MOCOS: variants seen among roughly 807,000 people sequenced by gnomAD.
MOCOS encodes the protein molybdenum cofactor sulfurase, also known as human molybdenum cofactor sulfurase.
MOCOS carries 86 observed loss-of-function variants against 83.6 expected under a neutral mutation model. The observed-to-expected ratio is 1.03, with a 90% CI of 0.86 to 1.23. The LOEUF (loss-of-function observed/expected upper bound fraction) is 1.23, where lower values mean the gene tolerates loss of function less well. Among genes scored for constraint, MOCOS ranks in the 50% most tolerant of loss-of-function variants. The pLI, the probability that MOCOS is intolerant of heterozygous loss-of-function variation, is 0.00. For missense variants in MOCOS, 1,120 were observed against 1,126.9 expected, an observed-to-expected ratio of 0.99 and a Z score of 0.09; for synonymous variants, 445 against 434.7, an observed-to-expected ratio of 1.02 and a Z score of -0.29.
chr18:36,200,430 A>G (rs564675359), intron 4 of MOCOS, 106 bp downstream of exon 4: 275 of 1,416,158 alleles, frequency 1.9e-4, no homozygotes, highest in Non-Finnish European at 2.5e-4. Flanking sequence ...GAGGGTCAGC[A>G]GAATTCAGGT....
chr18:36,250,481 T>A (rs1429398643), intron 10 of MOCOS, among the ~76,000 whole-genome samples: 5 of 152,210 alleles, frequency 3.3e-5, no homozygotes. Context: ...ACAAAGGTGA[T>A]GATGTGATGA....
In MOCOS at chr18:36,215,369, T is replaced by C. The variant is rs2091471813; in HGVS notation, c.1336-147T>C. ...CCCCTGCAGGTAGAGAGCTGAACTA[T>C]GTCCCAGACGCACAGCACATATTAA... On this transcript the variant is annotated intron_variant, in intron 7 of 14. Coordinates refer to ENST00000261326, the MANE Select transcript of MOCOS (RefSeq NM_017947.4). 4 of 791,110 alleles carry C rather than the reference T, an allele frequency of 5.1e-6. No homozygotes were observed. In the Middle Eastern group the frequency reaches 1.1e-3, roughly 209 times the overall value. 49.0% of individuals were successfully genotyped at this position (791,110 alleles called of 1,614,324 possible). A position where few individuals can be genotyped will look rare whatever the true frequency, so the allele number is the denominator to read the frequency against.
chr18:36,215,870 C>T lies in MOCOS; in HGVS notation c.1690C>T (p.Gln564Ter), dbSNP rs536590783. 1.2e-6 allele frequency: 2 copies of T among 1,614,212 alleles called. No homozygotes were observed. Among genetic ancestry groups the T allele is most frequent in the South Asian group, 1.1e-5 (1 of 91,078 alleles). The change falls in exon 8 of 15, where the codon CAG becomes TAG. Residue 564 changes from glutamine to a stop codon, truncating the protein, a stop_gained. Coordinates refer to ENST00000261326, the MANE Select transcript of MOCOS (RefSeq NM_017947.4). LOFTEE classifies it high-confidence loss of function. Reference protein sequence around the residue: ...APPVCDVARTQPTPSEKAAGV... With the variant: ...APPVCDVART Reference sequence around the variant, plus strand: ...ACCTGTGTGTGATGTCGCCAGAACCCAGCCGACTCCTTCAGAGAAAGCTGC... The same window carrying T: ...ACCTGTGTGTGATGTCGCCAGAACCTAGCCGACTCCTTCAGAGAAAGCTGC...
chr18:36,203,250 G>T, intron 5 of MOCOS, 61 bp downstream of exon 5: 2 of 1,457,676 alleles, frequency 1.4e-6, no homozygotes, highest in Non-Finnish European at 9.6e-7. Context: ...GGGAGCTCTG[G>T]CACAGGTGTG....
chr18:36,236,467 C>T (rs1234120006), intron 9 of MOCOS, among the ~76,000 whole-genome samples: 1 of 104,808 alleles, frequency 9.5e-6, no homozygotes, highest in East Asian at 2.4e-4. Flanking sequence ...TTTCTGAGGG[C>T]TCTGTTCTGT....
At chr18:36,217,235 G>C (rs1456677808) in intron 8 of MOCOS, among the ~76,000 whole-genome samples, 1 of 152,116 alleles carries the variant, frequency 6.6e-6, no homozygotes, top group Non-Finnish European at 1.5e-5. Context: ...GAGTATTATG[G>C]GGATGATGAG....
At chr18:36,261,899 A>G (rs1282704811) in intron 13 of MOCOS, among the ~76,000 whole-genome samples, 1 of 152,150 alleles carries the variant, frequency 6.6e-6, no homozygotes, top group African/African-American at 2.4e-5. Flanking sequence ...ATAGGTGGAG[A>G]GTGAGAGGAA....
chr18:36,192,855 G>A (rs1292177942), intron 1 of MOCOS, among the ~76,000 whole-genome samples: 2 of 152,002 alleles, frequency 1.3e-5, no homozygotes, highest in East Asian at 3.9e-4. Context: ...CACCATGTTG[G>A]CCAGGCTGGT....
At position 36,213,554 on chromosome 18, in the gene MOCOS, T is replaced by C. The variant is rs192219945; in HGVS notation, c.1335+72T>C. 578 of 1,223,520 alleles carry C rather than the reference T, an allele frequency of 4.7e-4. 2 individuals are homozygous for C. In the African/African-American group the frequency reaches 7.9e-3, roughly 17 times the overall value. 75.8% of individuals were successfully genotyped at this position (1,223,520 alleles called of 1,614,324 possible). ...CAACACCTGTTGCTGCCTGTGTGTC[T>C]GGGGTGGGGGCTGCTGCTGCATACT... On this transcript the variant is annotated intron_variant, in intron 7 of 14. Transcript: ENST00000261326.
At chr18:36,253,275 A>C (rs764134025) in intron 11 of MOCOS, among the ~76,000 whole-genome samples, 1 of 152,174 alleles carries the variant, frequency 6.6e-6, no homozygotes, top group Non-Finnish European at 1.5e-5. Context: ...GCAACGTAAG[A>C]GATGTAATAA....
intron 6 of MOCOS, among the ~76,000 whole-genome samples, chr18:36,211,252 C>G (rs563009961): frequency 5.3e-5 from 8 of 152,272 alleles, no homozygotes; most frequent in African/African-American, 1.4e-4. Flanking sequence ...TATGAGAAGG[C>G]TTTGTGTTCT....
chr18:36,203,217 A>T, intron 5 of MOCOS, 28 bp downstream of exon 5: 1 of 1,603,544 alleles, frequency 6.2e-7, no homozygotes, highest in Non-Finnish European at 8.5e-7. Flanking sequence ...TCCCTGTGGA[A>T]TTTGCTCCTG....
chr18:36,265,589 A>G (rs1317399404), intron 13 of MOCOS, among the ~76,000 whole-genome samples: 1 of 152,172 alleles, frequency 6.6e-6, no homozygotes, highest in African/African-American at 2.4e-5. Context: ...TAAAAGAAGC[A>G]TCTCGTTATT....
In MOCOS at chr18:36,218,403, C is replaced by T. The variant is rs58809976; in HGVS notation, c.1798-1652C>T. 5.3e-3 allele frequency among the ~76,000 whole-genome samples: 808 copies of T among 151,794 alleles called. 10 individuals carry two copies. The highest frequency in any genetic ancestry group is 0.017 in the African/African-American group (713 of 41,406). On this transcript the variant is annotated intron_variant, in intron 8 of 14. Transcript: ENST00000261326. ...ATTTGTACCTTATCTTCCGGGTCTT[C>T]GAAAAAGCCAGCATCTTTTTGGGGA...
At chr18:36,252,833 T>C (rs2091627076) in intron 11 of MOCOS, among the ~76,000 whole-genome samples, 2 of 152,208 alleles carry the variant, frequency 1.3e-5, no homozygotes, top group Admixed American at 1.3e-4. Flanking sequence ...GTGTATGCTA[T>C]AGAGAGGAGT....
intron 6 of MOCOS, among the ~76,000 whole-genome samples, chr18:36,208,434 G>T (rs563573661): frequency 3.9e-5 from 6 of 152,198 alleles, no homozygotes; most frequent in East Asian, 3.9e-4. Flanking sequence ...CCATGAGTAT[G>T]GAATGTTTTT....
At chr18:36,199,613 A>G (rs1027241158) in intron 3 of MOCOS, 70 bp from the exon 4 acceptor site, 1 of 1,604,214 alleles carries the variant, frequency 6.2e-7, no homozygotes, top group African/African-American at 1.3e-5. Context: ...TAATAGAAAT[A>G]AAACAGCCTG....
At chr18:36,239,154 T>A (rs1351279509) in intron 9 of MOCOS, among the ~76,000 whole-genome samples, 1 of 151,924 alleles carries the variant, frequency 6.6e-6, no homozygotes. Context: ...AATAGTGTTA[T>A]GTGTGAATTT....
At chr18:36,225,760 T>C (rs1568058318) in intron 9 of MOCOS, among the ~76,000 whole-genome samples, 1 of 152,124 alleles carries the variant, frequency 6.6e-6, no homozygotes, top group Non-Finnish European at 1.5e-5. Flanking sequence ...TTGTCTTTGG[T>C]ATTTTATAAT....
Sources: gnomAD v4.1 joint callset for allele counts (sites outside exome capture counted in the v4.1 genomes callset) on GRCh38, gnomAD v4.1.1 for gene constraint, MANE v1.5 for transcripts, NCBI Gene and HGNC (gene_info 2026-07-23, HGNC 2026-07-21) for gene names.